TASP1: variants seen among roughly 807,000 people sequenced by gnomAD.
TASP1 encodes taspase 1.
TASP1 carries 16 observed loss-of-function variants against 56.6 expected under a neutral mutation model. The observed-to-expected ratio is 0.28, with a 90% confidence interval of 0.19 to 0.43. TASP1 has a LOEUF of 0.43. Among genes scored for constraint, TASP1 ranks in the 20% least tolerant of loss-of-function variants. The pLI is 1.00. For synonymous variants in TASP1, 179 were observed against 184.2 expected, an observed-to-expected ratio of 0.97 and a Z score of 0.23; for missense variants, 393 against 511.6, an observed-to-expected ratio of 0.77 and a Z score of 2.24.
chr20:13,231,303 ACCAGGCTACCCCATGCCCTC>A, the TASP1 span, among the ~76,000 whole-genome samples: 1 of 152,340 alleles, frequency 6.6e-6, no homozygotes, highest in Admixed American at 6.5e-5. Flanking sequence ...CAGCAAAAGA[ACCAGGCTACCCCATGCCCTC>A]CCGGAGCAGT....
intron 8 of TASP1, among the ~76,000 whole-genome samples, chr20:13,538,430 G>A (rs1185058738): frequency 6.6e-6 from 1 of 152,156 alleles, no homozygotes; most frequent in Non-Finnish European, 1.5e-5. Flanking sequence ...GGTCTATTAT[G>A]GGATTATCTT....
At chr20:13,221,242 T>TCCTCCC in the TASP1 span, among the ~76,000 whole-genome samples, 1 of 139,956 alleles carries the variant, frequency 7.1e-6, no homozygotes, top group Non-Finnish European at 1.6e-5. Context: ...CTCCTCCTCC[T>TCCTCCC]CCTCCTCCTC....
the TASP1 span, among the ~76,000 whole-genome samples, chr20:13,268,114 G>C: frequency 1.4e-5 from 2 of 140,390 alleles, no homozygotes; most frequent in African/African-American, 5.5e-5. Flanking sequence ...CTCCTCTCCT[G>C]TCTTCTCTTC....
intron 13 of TASP1, among the ~76,000 whole-genome samples, chr20:13,403,309 C>G (rs2041806549): frequency 6.6e-6 from 1 of 152,082 alleles, no homozygotes; most frequent in South Asian, 2.1e-4. Context: ...GGTGAAAATT[C>G]AGGTGGCATC....
intron 7 of TASP1, among the ~76,000 whole-genome samples, chr20:13,559,602 A>G (rs951113260): frequency 2.0e-5 from 3 of 152,212 alleles, no homozygotes; most frequent in Non-Finnish European, 4.4e-5. Context: ...AAAACTTGCA[A>G]ATCTCAGCTT....
intron 4 of TASP1, among the ~76,000 whole-genome samples, chr20:13,601,154 C>T (rs1348781708): frequency 1.3e-5 from 2 of 151,926 alleles, no homozygotes; most frequent in African/African-American, 4.8e-5. Flanking sequence ...TGGCAGGCAC[C>T]TGTAGTCCCA....
chr20:13,448,237 C>G (rs983923735), intron 11 of TASP1, among the ~76,000 whole-genome samples: 1 of 152,090 alleles, frequency 6.6e-6, no homozygotes, highest in Non-Finnish European at 1.5e-5. Context: ...AAAAAGGCCT[C>G]TCTTACCCAT....
intron 12 of TASP1, among the ~76,000 whole-genome samples, chr20:13,433,480 C>A (rs553049918): frequency 1.1e-3 from 159 of 145,098 alleles, no homozygotes; most frequent in African/African-American, 4.1e-3. Flanking sequence ...CTTGGAGGAA[C>A]CTAGGTACTA....
intron 10 of TASP1, among the ~76,000 whole-genome samples, chr20:13,493,428 C>G (rs1363741552): frequency 6.6e-6 from 1 of 152,178 alleles, no homozygotes; most frequent in East Asian, 1.9e-4. Context: ...GGTGGGATAA[C>G]TTTGTTTGCT....
At chr20:13,425,411 C>T (rs1388621038) in intron 12 of TASP1, among the ~76,000 whole-genome samples, 2 of 152,064 alleles carry the variant, frequency 1.3e-5, no homozygotes, top group African/African-American at 4.8e-5. Flanking sequence ...TTTTTTCTGA[C>T]CAGAAAGAAG....
At chr20:13,474,896 G>A (rs538440031) in intron 11 of TASP1, among the ~76,000 whole-genome samples, 1 of 152,186 alleles carries the variant, frequency 6.6e-6, no homozygotes, top group Non-Finnish European at 1.5e-5. Flanking sequence ...GTGATATTGA[G>A]CATTTTTTTC....
intron 13 of TASP1, among the ~76,000 whole-genome samples, chr20:13,398,873 A>C (rs1161653130): frequency 6.6e-6 from 1 of 152,172 alleles, no homozygotes; most frequent in Non-Finnish European, 1.5e-5. Flanking sequence ...CATTTACAGC[A>C]AAGTTATTTG....
chr20:13,200,362 A>G, the TASP1 span, among the ~76,000 whole-genome samples: 2 of 152,184 alleles, frequency 1.3e-5, no homozygotes, highest in Admixed American at 1.3e-4. Flanking sequence ...AGAACCTGCA[A>G]AGGGTGTCAT....
the TASP1 span, among the ~76,000 whole-genome samples, chr20:13,127,857 A>T: frequency 1.3e-5 from 2 of 152,028 alleles, no homozygotes; most frequent in African/African-American, 4.8e-5. Flanking sequence ...CGGTGTTATG[A>T]CTCTGCATCC....
chr20:13,255,275 G>A, the TASP1 span, among the ~76,000 whole-genome samples: 1 of 152,230 alleles, frequency 6.6e-6, no homozygotes, highest in East Asian at 1.9e-4. Flanking sequence ...TTGAAAAAAT[G>A]GATAAAATGC....
chr20:13,609,694 A>G (rs1287501315), intron 4 of TASP1, among the ~76,000 whole-genome samples: 1 of 151,622 alleles, frequency 6.6e-6, no homozygotes, highest in Non-Finnish European at 1.5e-5. Context: ...CTCAAAAAAA[A>G]AAAAAAAAAA....
At chr20:13,513,317 A>G (rs2044406363) in intron 10 of TASP1, among the ~76,000 whole-genome samples, 2 of 151,988 alleles carry the variant, frequency 1.3e-5, no homozygotes. Flanking sequence ...AAAAACAACC[A>G]TACGAGTAGT....
At chr20:13,273,972 G>A in the TASP1 span, among the ~76,000 whole-genome samples, 15 of 152,140 alleles carry the variant, frequency 9.9e-5, no homozygotes, top group African/African-American at 3.4e-4. Context: ...ACCACAAAAT[G>A]TTAGTATTGG....
At chr20:13,192,399 G>A in the TASP1 span, among the ~76,000 whole-genome samples, 1 of 152,138 alleles carries the variant, frequency 6.6e-6, no homozygotes, top group African/African-American at 2.4e-5. Context: ...CATTAGCCCA[G>A]TACGGTGGCA....
Sources: gnomAD v4.1 joint callset for allele counts (sites outside exome capture counted in the v4.1 genomes callset) on GRCh38, gnomAD v4.1.1 for gene constraint, MANE v1.5 for transcripts, NCBI Gene and HGNC (gene_info 2026-07-23, HGNC 2026-07-21) for gene names.